CACNA2D3: variants seen among roughly 807,000 people sequenced by gnomAD.
The protein encoded by CACNA2D3 is voltage-dependent calcium channel subunit alpha-2/delta-3.
In CACNA2D3, 60 loss-of-function variants were observed where a neutral mutation model predicts 160.6. That is an observed-to-expected ratio of 0.37 (90% CI 0.30 to 0.46). CACNA2D3 has a LOEUF of 0.46. Among genes scored for constraint, CACNA2D3 ranks in the 20% least tolerant of loss-of-function variants. The pLI is 1.00. For synonymous variants in CACNA2D3, 558 were observed against 492.9 expected (o/e 1.13, Z -1.75); for missense variants, 1,205 against 1,365.0 (o/e 0.88, Z 1.85).
chr3:54,276,279 G>A (rs1702737132), intron 2 of CACNA2D3, among the ~76,000 whole-genome samples: 2 of 152,088 alleles, frequency 1.3e-5, no homozygotes, highest in East Asian at 3.9e-4. Flanking sequence ...ATAAGAAAAC[G>A]AAGAAAGAGG....
At chr3:55,053,286 T>G (rs1046388134) in intron 35 of CACNA2D3, among the ~76,000 whole-genome samples, 1 of 152,058 alleles carries the variant, frequency 6.6e-6, no homozygotes, top group Non-Finnish European at 1.5e-5. Context: ...GCTCCTTACA[T>G]ACCATTTAAT....
chr3:54,230,407 A>C (rs1293015630), intron 2 of CACNA2D3, among the ~76,000 whole-genome samples: 1 of 152,256 alleles, frequency 6.6e-6, no homozygotes, highest in Admixed American at 6.5e-5. Flanking sequence ...AGAATTATGT[A>C]AGGTAATACA....
intron 2 of CACNA2D3, among the ~76,000 whole-genome samples, chr3:54,156,768 G>A (rs1335004942): frequency 6.6e-6 from 1 of 152,160 alleles, no homozygotes; most frequent in Non-Finnish European, 1.5e-5. Flanking sequence ...CACTTTGGAA[G>A]TGGATCCTCC....
chr3:54,549,471 C>CA (rs1270689357), intron 5 of CACNA2D3, among the ~76,000 whole-genome samples: 4 of 151,978 alleles, frequency 2.6e-5, no homozygotes, highest in Non-Finnish European at 5.9e-5. Flanking sequence ...AACAAACAAA[C>CA]AAAAAAACAA....
intron 4 of CACNA2D3, among the ~76,000 whole-genome samples, chr3:54,410,272 T>G (rs1165398034): frequency 1.3e-5 from 2 of 152,024 alleles, no homozygotes; most frequent in African/African-American, 2.4e-5. Flanking sequence ...GAGAATTGCT[T>G]GAACCCGGGA....
chr3:55,011,929 A>G lies in CACNA2D3; in HGVS notation c.2875+2486A>G, dbSNP rs75600294. 4.1e-3 allele frequency among the ~76,000 whole-genome samples: 609 copies of G among 149,072 alleles called. 3 individuals are homozygous for G. The highest frequency in any genetic ancestry group is 0.014 in the African/African-American group (570 of 40,558). On this transcript the variant is annotated intron_variant, in intron 34 of 37. Transcript: ENST00000474759. ...ATTTTACTAATAGGAGTGAAAAAAA[A>G]TGAGATTTAAAAAAAATAAAATCAA...
chr3:54,915,759 A>G (rs1299534123), intron 27 of CACNA2D3, among the ~76,000 whole-genome samples: 1 of 152,216 alleles, frequency 6.6e-6, no homozygotes, highest in Non-Finnish European at 1.5e-5. Context: ...TTGACATTTC[A>G]GGGTAAGTAA....
At chr3:54,572,479 G>C (rs936435735) in intron 8 of CACNA2D3, among the ~76,000 whole-genome samples, 2 of 152,218 alleles carry the variant, frequency 1.3e-5, no homozygotes, top group Admixed American at 6.5e-5. Context: ...CATGGAGACA[G>C]AGGCATGAAG....
chr3:54,614,701 T>G (rs550924106), intron 9 of CACNA2D3, among the ~76,000 whole-genome samples: 2 of 152,220 alleles, frequency 1.3e-5, no homozygotes, highest in South Asian at 4.2e-4. Context: ...CGATTCTAGG[T>G]TAGGGGCAGA....
At chr3:54,652,401 C>T (rs1012868990) in intron 11 of CACNA2D3, among the ~76,000 whole-genome samples, 1 of 152,142 alleles carries the variant, frequency 6.6e-6, no homozygotes, top group Non-Finnish European at 1.5e-5. Context: ...CACAGGTAAC[C>T]AGCAAATGAA....
At chr3:54,141,094 C>CGCGCGCGCGCACGCACGT (rs768348036) in intron 2 of CACNA2D3, among the ~76,000 whole-genome samples, 2 of 81,892 alleles carry the variant, frequency 2.4e-5, no homozygotes, top group Non-Finnish European at 3.0e-5. Flanking sequence ...TGTGCGCGCG[C>CGCGCGCGCGCACGCACGT]GCGCGTGTGT....
intron 2 of CACNA2D3, among the ~76,000 whole-genome samples, chr3:54,317,977 T>C (rs1256068708): frequency 1.3e-5 from 2 of 152,160 alleles, no homozygotes; most frequent in African/African-American, 4.8e-5. Context: ...TACTACTGTA[T>C]TGGGGATTAA....
At chr3:54,163,680 A>G (rs1168695381) in intron 2 of CACNA2D3, among the ~76,000 whole-genome samples, 1 of 152,188 alleles carries the variant, frequency 6.6e-6, no homozygotes, top group East Asian at 1.9e-4. Context: ...TGAGTGGGTA[A>G]TGACATAATC....
At chr3:54,323,078 G>C (rs1704041346) in intron 3 of CACNA2D3, among the ~76,000 whole-genome samples, 1 of 152,162 alleles carries the variant, frequency 6.6e-6, no homozygotes, top group Non-Finnish European at 1.5e-5. Flanking sequence ...TGTCACGTAG[G>C]GGTTTAGTCT....
chr3:54,323,687 C>G lies in CACNA2D3; in HGVS notation c.321+3129C>G, dbSNP rs557920837. On this transcript the variant is annotated intron_variant, in intron 3 of 37. Transcript: ENST00000474759. The stretch of plus-strand genomic sequence containing the variant: ...TTCACTGTGTTAGCCAGGATGGTCT[C>G]GATCTCCTGACCTCGTGATCTGCCT... Among the ~76,000 whole-genome samples, 11 of 152,226 alleles carry G rather than the reference C, an allele frequency of 7.2e-5. No individual in the cohort carries two copies. The South Asian group carries it at 2.1e-3, about 29-fold the overall frequency.
At chr3:54,925,123 C>T in intron 27 of CACNA2D3, 1 of 1,614,078 alleles carries the variant, frequency 6.2e-7, no homozygotes, top group Non-Finnish European at 8.5e-7. Context: ...CTGCAGTCTA[C>T]AAAATTTGTA....
At chr3:54,339,139 C>T (rs1462072029) in intron 3 of CACNA2D3, among the ~76,000 whole-genome samples, 4 of 152,198 alleles carry the variant, frequency 2.6e-5, no homozygotes, top group African/African-American at 4.8e-5. Flanking sequence ...GTCCTGGCCA[C>T]GCCTGTCTCT....
intron 34 of CACNA2D3, among the ~76,000 whole-genome samples, chr3:55,010,124 A>G (rs999431189): frequency 6.6e-6 from 1 of 152,180 alleles, no homozygotes. Context: ...TGACTGGAAC[A>G]TAAGTCCTCA....
At chr3:54,320,025 A>G (rs1703953360) in intron 2 of CACNA2D3, among the ~76,000 whole-genome samples, 1 of 152,326 alleles carries the variant, frequency 6.6e-6, no homozygotes, top group Non-Finnish European at 1.5e-5. Flanking sequence ...TGGACCCTGA[A>G]AGGGTCTCAG....
Sources: gnomAD v4.1 joint callset for allele counts (sites outside exome capture counted in the v4.1 genomes callset) on GRCh38, gnomAD v4.1.1 for gene constraint, MANE v1.5 for transcripts, NCBI Gene and HGNC (gene_info 2026-07-23, HGNC 2026-07-21) for gene names.